Variants in SYNGR1 observed in about 807,000 individuals in gnomAD.
The protein encoded by SYNGR1 is synaptogyrin 1.
A neutral mutation model predicts 26.1 loss-of-function variants in SYNGR1; 14 were observed. The ratio of observed to expected loss-of-function variants is 0.54; its 90% CI spans 0.35 to 0.84. The LOEUF (loss-of-function observed/expected upper bound fraction) is 0.84, where lower values mean the gene tolerates loss of function less well. Among genes scored for constraint, SYNGR1 ranks in the 40% least tolerant of loss-of-function variants. The probability of loss-of-function intolerance (pLI) is 0.01; values close to 1 mark genes in which losing one functional copy is unlikely to be tolerated. For missense variants in SYNGR1, 319 were observed against 332.9 expected (o/e 0.96, Z 0.33); for synonymous variants, 141 against 150.1 (o/e 0.94, Z 0.44).
At chr22:39,364,455 G>A (rs974675579) in intron 1 of SYNGR1, among the ~76,000 whole-genome samples, 13 of 152,204 alleles carry the variant, frequency 8.5e-5, no homozygotes, top group African/African-American at 2.9e-4. Flanking sequence ...TTCTTCCATT[G>A]GCACCAGCTC....
chr22:39,378,517 T>G, intron 3 of SYNGR1: 1 of 966,200 alleles, frequency 1.0e-6, no homozygotes, highest in African/African-American at 1.8e-5. Context: ...GGTTTCCTGC[T>G]TGAGGCCCCC....
At chr22:39,365,715 G>A (rs2145618493) in intron 1 of SYNGR1, among the ~76,000 whole-genome samples, 1 of 152,260 alleles carries the variant, frequency 6.6e-6, no homozygotes, top group East Asian at 1.9e-4. Context: ...CTGAGCCTCA[G>A]TTTCCCCACT....
intron 1 of SYNGR1, among the ~76,000 whole-genome samples, chr22:39,361,638 C>T (rs1924475780): frequency 6.6e-6 from 1 of 151,930 alleles, no homozygotes; most frequent in African/African-American, 2.4e-5. Flanking sequence ...GGGATTACAG[C>T]CATGAGCCAT....
intron 1 of SYNGR1, among the ~76,000 whole-genome samples, chr22:39,373,553 G>T (rs1009250597): frequency 2.0e-5 from 3 of 152,112 alleles, no homozygotes; most frequent in Non-Finnish European, 4.4e-5. Context: ...CATGATCACG[G>T]TTCACTACAA....
intron 3 of SYNGR1, among the ~76,000 whole-genome samples, chr22:39,378,889 G>A (rs953974187): frequency 5.9e-5 from 9 of 152,350 alleles, no homozygotes; most frequent in Admixed American, 2.6e-4. Context: ...CTTTGACTTA[G>A]TGAGGGCAGA....
rs1925626801 is a variant in SYNGR1, at chr22:39,385,294, C to A, written c.*3380C>A. ...GTCGGTGCCCCGGCCCCTCCCGCAG[C>A]GTTACTGCCTGTGTATAGTATAAAT... is the stretch of plus-strand genomic sequence containing the variant. On this transcript the variant is annotated 3_prime_UTR_variant, in exon 4 of 4. Coordinates refer to ENST00000328933, the MANE Select transcript of SYNGR1 (RefSeq NM_004711.5). 1 of 304,366 alleles carries A rather than the reference C, an allele frequency of 3.3e-6. No homozygotes were observed. Among genetic ancestry groups the A allele is most frequent in the Non-Finnish European group, 6.0e-6 (1 of 167,206 alleles). 18.9% of individuals were successfully genotyped at this position (304,366 alleles called of 1,614,324 possible).
chr22:39,365,543 AG>A (rs1330942981), intron 1 of SYNGR1, among the ~76,000 whole-genome samples: 1 of 152,144 alleles, frequency 6.6e-6, no homozygotes, highest in East Asian at 1.9e-4. Context: ...CAGAAACCTG[AG>A]GCTTGTGTCG....
intron 1 of SYNGR1, among the ~76,000 whole-genome samples, chr22:39,364,891 A>T (rs1279611725): frequency 2.0e-5 from 3 of 152,196 alleles, no homozygotes; most frequent in African/African-American, 7.2e-5. Context: ...AGTTTGACAT[A>T]GATCTCCACC....
chr22:39,353,079 C>G (rs1443788007), intron 1 of SYNGR1, among the ~76,000 whole-genome samples: 1 of 152,214 alleles, frequency 6.6e-6, no homozygotes, highest in Non-Finnish European at 1.5e-5. Flanking sequence ...CCAGGCTGGT[C>G]TCGAACTCCT....
At chr22:39,361,081 C>T (rs561457484) in intron 1 of SYNGR1, among the ~76,000 whole-genome samples, 1 of 152,340 alleles carries the variant, frequency 6.6e-6, no homozygotes, top group South Asian at 2.1e-4. Flanking sequence ...CCCTGTGAAG[C>T]CTTCCTGGAT....
In SYNGR1 at chr22:39,382,143, G is replaced by T. The variant is rs930683656; in HGVS notation, c.*229G>T. ...CCCCGCAGGGGCCTAGAGGGTGGGG[G>T]CCAGGGGTATTTGCATTCATACATT... On this transcript the variant is annotated 3_prime_UTR_variant, in exon 4 of 4. Transcript: ENST00000328933. 8.3e-6 allele frequency: 5 copies of T among 602,746 alleles called. No individual in the cohort carries two copies. The East Asian group carries it at 1.4e-4, about 17-fold the overall frequency. 37.3% of individuals were successfully genotyped at this position (602,746 alleles called of 1,614,324 possible).
intron 1 of SYNGR1, among the ~76,000 whole-genome samples, chr22:39,351,775 G>C (rs2069235): frequency 6.6e-6 from 1 of 152,230 alleles, no homozygotes; most frequent in Admixed American, 6.5e-5. Context: ...CCTTGTTCTC[G>C]GGAAGCCACA....
chr22:39,363,064 C>CT (rs1924564138), intron 1 of SYNGR1, among the ~76,000 whole-genome samples: 1 of 151,984 alleles, frequency 6.6e-6, no homozygotes, highest in African/African-American at 2.4e-5. Flanking sequence ...TTGAGATGTG[C>CT]GTGTTGAGGA....
intron 1 of SYNGR1, among the ~76,000 whole-genome samples, chr22:39,370,072 A>G (rs1187760438): frequency 1.3e-5 from 2 of 151,964 alleles, no homozygotes; most frequent in Non-Finnish European, 2.9e-5. Context: ...GGCTCAAGCA[A>G]TCCTCCCACC....
intron 1 of SYNGR1, among the ~76,000 whole-genome samples, chr22:39,358,428 G>T (rs5757630): frequency 0.6 from 91,072 of 152,050 alleles, 29,771 homozygotes; most frequent in East Asian, 0.99. Context: ...TCGTCTGCTC[G>T]TTGCGATAAA....
At chr22:39,380,616 C>CTTTTTTTTT (rs58877789) in intron 3 of SYNGR1, among the ~76,000 whole-genome samples, 2 of 69,974 alleles carry the variant, frequency 2.9e-5, no homozygotes, top group African/African-American at 1.4e-4. Flanking sequence ...CCAAGCTGGC[C>CTTTTTTTTT]TTTTTTTTTT....
intron 3 of SYNGR1, 36 bp from the exon 4 acceptor site, chr22:39,381,660 C>T (rs745354017): frequency 1.2e-6 from 2 of 1,611,230 alleles, no homozygotes; most frequent in Admixed American, 3.3e-5. Flanking sequence ...CCACCCCCTC[C>T]CGCCTGTCCT....
chr22:39,372,603 G>A (rs1008887192), intron 1 of SYNGR1, among the ~76,000 whole-genome samples: 2 of 151,828 alleles, frequency 1.3e-5, no homozygotes, highest in South Asian at 2.1e-4. Context: ...CCAAGTTGCT[G>A]GATGACAGGC....
chr22:39,355,067 C>T (rs1924085390), intron 1 of SYNGR1, among the ~76,000 whole-genome samples: 1 of 152,160 alleles, frequency 6.6e-6, no homozygotes, highest in Non-Finnish European at 1.5e-5. Flanking sequence ...CAGCTGAGTG[C>T]TCAGTGCCAC....
Sources: gnomAD v4.1 joint callset for allele counts (sites outside exome capture counted in the v4.1 genomes callset) on GRCh38, gnomAD v4.1.1 for gene constraint, MANE v1.5 for transcripts, NCBI Gene and HGNC (gene_info 2026-07-23, HGNC 2026-07-21) for gene names.